Variants in MYO16 observed in about 807,000 individuals in gnomAD.
MYO16 encodes the protein myosin XVI.
In MYO16, 94 loss-of-function variants were observed where a neutral mutation model predicts 205.3. The observed-to-expected ratio is 0.46, with a 90% CI of 0.39 to 0.54. The LOEUF is 0.54. Among genes scored for constraint, MYO16 ranks in the 20% least tolerant of loss-of-function variants. The pLI is 0.00. For synonymous variants in MYO16, 988 were observed against 954.0 expected (o/e 1.04, Z -0.66); for missense variants, 2,315 against 2,387.5 (o/e 0.97, Z 0.63).
At chr13:109,165,152 T>A in intron 33 of MYO16, 93 bp downstream of exon 33, 1 of 960,184 alleles carries the variant, frequency 1.0e-6, no homozygotes, top group South Asian at 1.6e-5. Flanking sequence ...GAAAATGAAG[T>A]AGGGTTAAGA....
At chr13:108,951,685 T>C (rs1221183382) in intron 16 of MYO16, among the ~76,000 whole-genome samples, 1 of 152,106 alleles carries the variant, frequency 6.6e-6, no homozygotes, top group Non-Finnish European at 1.5e-5. Flanking sequence ...AAATGAACAG[T>C]ATATAAATTA....
intron 16 of MYO16, among the ~76,000 whole-genome samples, chr13:108,922,545 C>G (rs1345824030): frequency 1.3e-5 from 2 of 152,170 alleles, no homozygotes; most frequent in Admixed American, 6.5e-5. Flanking sequence ...TTCTTCACGT[C>G]TAAAATCCGG....
intron 4 of MYO16, among the ~76,000 whole-genome samples, chr13:108,728,221 ACTT>A (rs1594244796): frequency 1.3e-5 from 2 of 152,342 alleles, no homozygotes; most frequent in South Asian, 2.1e-4. Context: ...TAAAAAATTA[ACTT>A]CTTAATGCCT....
chr13:108,619,572 G>A (rs997148021), intron 1 of MYO16, among the ~76,000 whole-genome samples: 9 of 152,106 alleles, frequency 5.9e-5, no homozygotes, highest in East Asian at 3.9e-4. Context: ...GAAAGCCCAC[G>A]CAGGATGTAA....
intron 2 of MYO16, among the ~76,000 whole-genome samples, chr13:108,694,539 G>C (rs1012115165): frequency 6.6e-6 from 1 of 151,970 alleles, no homozygotes; most frequent in Admixed American, 6.6e-5. Context: ...TTAGAGAAAA[G>C]TATTTTGTCT....
chr13:109,019,792 CAA>C lies in MYO16; in HGVS notation c.2679_2680del (p.Leu895ProfsTer41). ...GGAATCAAATTTTCCAAAAAAACTA[CAA>C]AGTCTCCTAGAATCCTCAAACACAA... ...SVESNFPKKL[Q>X]SLLESSNTNA... On this transcript the variant is annotated frameshift_variant, in exon 23 of 35. Coordinates refer to ENST00000457511, the MANE Select transcript of MYO16 (RefSeq NM_001198950.3). LOFTEE classifies it high-confidence loss of function. 6.2e-7 allele frequency: 1 copy of C among 1,614,064 alleles called. No homozygotes were observed. The highest frequency in any genetic ancestry group is 8.5e-7 in the Non-Finnish European group (1 of 1,179,944).
intron 27 of MYO16, among the ~76,000 whole-genome samples, chr13:109,081,683 A>G (rs1888285160): frequency 6.6e-6 from 1 of 152,154 alleles, no homozygotes; most frequent in Non-Finnish European, 1.5e-5. Context: ...GAAAAAAGGG[A>G]TGGGCATGAG....
intron 2 of MYO16, among the ~76,000 whole-genome samples, chr13:108,682,289 T>C (rs910060020): frequency 6.6e-6 from 1 of 152,230 alleles, no homozygotes. Context: ...TTGCCGTTCC[T>C]TGAATACAGT....
At chr13:108,621,036 T>A (rs1879523069) in intron 1 of MYO16, among the ~76,000 whole-genome samples, 1 of 152,134 alleles carries the variant, frequency 6.6e-6, no homozygotes, top group Non-Finnish European at 1.5e-5. Context: ...CTTGAACATG[T>A]CATGAAGATA....
At chr13:108,910,202 G>C (rs143134128) in intron 16 of MYO16, 52 bp downstream of exon 16, 1 of 1,529,388 alleles carries the variant, frequency 6.5e-7, no homozygotes, top group African/African-American at 1.4e-5. Flanking sequence ...AATTGTGATT[G>C]CAATTTGGTA....
chr13:108,714,884 C>A (rs1246630198), intron 3 of MYO16, among the ~76,000 whole-genome samples: 1 of 152,068 alleles, frequency 6.6e-6, no homozygotes, highest in Non-Finnish European at 1.5e-5. Flanking sequence ...ATCTCTCATC[C>A]CCTCGACAGC....
At chr13:108,702,909 G>A (rs1214323623) in intron 2 of MYO16, among the ~76,000 whole-genome samples, 1 of 151,880 alleles carries the variant, frequency 6.6e-6, no homozygotes, top group Non-Finnish European at 1.5e-5. Context: ...GTAATCCCTA[G>A]GGAAATTATG....
intron 1 of MYO16, among the ~76,000 whole-genome samples, chr13:108,644,362 G>GTCTGTCTA (rs1162945930): frequency 3.4e-5 from 5 of 148,004 alleles, no homozygotes; most frequent in South Asian, 2.2e-4. Context: ...CTGTCTGTCT[G>GTCTGTCTA]TCTATCTATC....
intron 27 of MYO16, among the ~76,000 whole-genome samples, chr13:109,096,047 A>C (rs561990630): frequency 6.6e-6 from 1 of 152,218 alleles, no homozygotes; most frequent in Admixed American, 6.5e-5. Context: ...CCTGGGTTCA[A>C]TTCCAGCTCA....
intron 3 of MYO16, among the ~76,000 whole-genome samples, chr13:108,724,867 A>C (rs1227198430): frequency 1.3e-5 from 2 of 148,458 alleles, no homozygotes; most frequent in Non-Finnish European, 3.0e-5. Context: ...TTTTTAAACA[A>C]TTATATTTTA....
At chr13:109,000,891 A>G (rs545849398) in intron 21 of MYO16, among the ~76,000 whole-genome samples, 3 of 152,230 alleles carry the variant, frequency 2.0e-5, no homozygotes, top group Admixed American at 6.5e-5. Context: ...TTGAAGACCA[A>G]TTCTTCAAAT....
At chr13:109,196,554 C>T (rs1880163612) in intron 34 of MYO16, among the ~76,000 whole-genome samples, 2 of 152,098 alleles carry the variant, frequency 1.3e-5, no homozygotes, top group South Asian at 2.1e-4. Context: ...TTAGCTTTTA[C>T]CTTACATAAT....
intron 27 of MYO16, among the ~76,000 whole-genome samples, chr13:109,060,241 C>G (rs1887546410): frequency 6.6e-6 from 1 of 152,098 alleles, no homozygotes. Context: ...AACCCAAATG[C>G]CCATCAATGA....
At chr13:108,672,732 T>C (rs1260034735) in intron 2 of MYO16, among the ~76,000 whole-genome samples, 1 of 152,102 alleles carries the variant, frequency 6.6e-6, no homozygotes, top group Non-Finnish European at 1.5e-5. Context: ...TCAACTCTAT[T>C]TGAGTTACGC....
Sources: allele counts gnomAD v4.1 joint callset (sites outside exome capture counted in the v4.1 genomes callset), GRCh38; gene constraint gnomAD v4.1.1; transcripts MANE v1.5; gene names NCBI Gene and HGNC (gene_info 2026-07-23, HGNC 2026-07-21).